The following GRID2 variants were observed in gnomAD, a reference collection of about 807,000 sequenced individuals.
GRID2 encodes the protein glutamate ionotropic receptor delta type subunit 2.
A neutral mutation model predicts 114.8 loss-of-function variants in GRID2; 33 were observed. The observed-to-expected ratio is 0.29, with a 90% CI of 0.22 to 0.38. The LOEUF (loss-of-function observed/expected upper bound fraction) is 0.38. Ranked by LOEUF, GRID2 falls within the 10% of genes least tolerant of loss-of-function variation. GRID2 has a pLI of 1.00. For missense variants in GRID2, 1,184 were observed against 1,257.7 expected, an observed-to-expected ratio of 0.94 and a Z score of 0.89; for synonymous variants, 505 against 449.9, an observed-to-expected ratio of 1.12 and a Z score of -1.55.
intron 2 of GRID2, among the ~76,000 whole-genome samples, chr4:92,928,793 T>G (rs890057485): frequency 6.6e-6 from 1 of 151,602 alleles, no homozygotes; most frequent in Non-Finnish European, 1.5e-5. Context: ...TGGCAAAATT[T>G]CTAGTGATTT....
At chr4:92,794,351 C>T (rs147026416) in intron 2 of GRID2, among the ~76,000 whole-genome samples, 2 of 151,950 alleles carry the variant, frequency 1.3e-5, no homozygotes, top group Non-Finnish European at 2.9e-5. Flanking sequence ...AACACCCTAT[C>T]ACCCTGCCAT....
chr4:93,222,377 C>A (rs1404763131), intron 6 of GRID2, among the ~76,000 whole-genome samples: 2 of 151,490 alleles, frequency 1.3e-5, no homozygotes, highest in Non-Finnish European at 2.9e-5. Context: ...AAGCTTTGAA[C>A]CAAATATTGA....
intron 8 of GRID2, among the ~76,000 whole-genome samples, chr4:93,316,291 CGAAA>C (rs201308452): frequency 0.016 from 1,214 of 77,086 alleles, 12 homozygotes; most frequent in African/African-American, 0.026. Context: ...AACGAAAGAA[CGAAA>C]GAAAGAAAGA....
intron 1 of GRID2, among the ~76,000 whole-genome samples, chr4:92,321,871 T>G (rs1319635999): frequency 6.6e-6 from 1 of 152,156 alleles, no homozygotes; most frequent in Non-Finnish European, 1.5e-5. Flanking sequence ...TTTTTCTACT[T>G]CCTGGCTGTG....
At chr4:93,097,378 A>T (rs536521119) in intron 3 of GRID2, among the ~76,000 whole-genome samples, 1 of 152,104 alleles carries the variant, frequency 6.6e-6, no homozygotes, top group African/African-American at 2.4e-5. Context: ...CAGAAATATC[A>T]TAATTTTAAA....
intron 2 of GRID2, among the ~76,000 whole-genome samples, chr4:92,650,483 G>C (rs767285387): frequency 6.6e-6 from 1 of 151,994 alleles, no homozygotes; most frequent in Non-Finnish European, 1.5e-5. Context: ...ATATTCATTC[G>C]TATCTACATT....
chr4:93,373,526 C>T (rs548477593), intron 8 of GRID2, among the ~76,000 whole-genome samples: 1 of 152,244 alleles, frequency 6.6e-6, no homozygotes, highest in East Asian at 1.9e-4. Flanking sequence ...AGACAAGAAT[C>T]ATATTTTATA....
At chr4:92,934,842 A>C (rs1222493583) in intron 2 of GRID2, among the ~76,000 whole-genome samples, 2 of 147,254 alleles carry the variant, frequency 1.4e-5, no homozygotes, top group African/African-American at 2.4e-5. Flanking sequence ...CATATGTAGA[A>C]AGCTGAAACT....
chr4:93,400,886 G>A (rs1197771011), intron 9 of GRID2, among the ~76,000 whole-genome samples: 1 of 152,042 alleles, frequency 6.6e-6, no homozygotes, highest in Non-Finnish European at 1.5e-5. Flanking sequence ...ACCCAGGCTG[G>A]AGTACAGTGG....
intron 1 of GRID2, among the ~76,000 whole-genome samples, chr4:92,433,687 C>T (rs1732588619): frequency 6.6e-6 from 1 of 152,214 alleles, no homozygotes; most frequent in South Asian, 2.1e-4. Context: ...CAACCAGGTA[C>T]TGTGATTGAT....
At chr4:93,679,519 T>C (rs1725286982) in intron 14 of GRID2, among the ~76,000 whole-genome samples, 1 of 150,678 alleles carries the variant, frequency 6.6e-6, no homozygotes, top group South Asian at 2.1e-4. Context: ...ACTGACCACA[T>C]ACTTGGAAGT....
At position 93,515,294 on chromosome 4, in the gene GRID2, C is replaced by A. The variant is rs771498752; in HGVS notation, c.2076C>A (p.Arg692=). 3.1e-6 allele frequency: 5 copies of A among 1,609,970 alleles called. No homozygotes were observed. The East Asian group carries it at 8.9e-5, about 29-fold the overall frequency. The change falls in exon 13 of 16, where the codon CGC becomes CGA. Residue 692 remains arginine, a synonymous_variant. Transcript: ENST00000282020. ...VLDSAVYEHV[R]MKGLNPFERD... is the part of the protein sequence containing the mutation. ...ACTCTGCGGTATATGAGCATGTCCG[C>A]ATGAAAGGACTGAATCCTTTTGAGA... is the stretch of plus-strand genomic sequence containing the variant.
chr4:93,050,753 T>C (rs926926845), intron 2 of GRID2, among the ~76,000 whole-genome samples: 1 of 152,032 alleles, frequency 6.6e-6, no homozygotes, highest in African/African-American at 2.4e-5. Flanking sequence ...GCTACAGGTA[T>C]GACAAAAGTA....
intron 13 of GRID2, among the ~76,000 whole-genome samples, chr4:93,524,813 ATGTATG>A (rs1183731114): frequency 9.7e-5 from 6 of 61,920 alleles, no homozygotes; most frequent in Admixed American, 1.7e-4. Context: ...ATATATATAT[ATGTATG>A]TATGTATATA....
intron 2 of GRID2, among the ~76,000 whole-genome samples, chr4:93,077,547 A>T (rs2149313277): frequency 6.6e-6 from 1 of 152,312 alleles, no homozygotes; most frequent in East Asian, 1.9e-4. Flanking sequence ...TAAAATGATT[A>T]AAAAGTTTTA....
rs187936172 is a variant in GRID2 at position 92,939,232 on chromosome 4, T to C, written c.245-145763T>C. Among the ~76,000 whole-genome samples, 103 of 147,396 alleles carry C rather than the reference T, an allele frequency of 7.0e-4. 7 individuals are homozygous for C. The highest frequency in any genetic ancestry group is 2.2e-3 in the African/African-American group (93 of 41,354). On this transcript the variant is annotated intron_variant, in intron 2 of 15. Transcript: ENST00000282020. ...CACATCCTCTCCAGCACCTGTTGTT[T>C]CCTGACATTTTAATGATTGCCATTC... is the stretch of plus-strand genomic sequence containing the variant.
chr4:93,549,497 G>A (rs1262334271), intron 13 of GRID2, among the ~76,000 whole-genome samples: 2 of 152,110 alleles, frequency 1.3e-5, no homozygotes, highest in East Asian at 1.9e-4. Flanking sequence ...CAAATTCATC[G>A]TGTTTCATAT....
At chr4:92,611,704 A>G (rs1729751803) in intron 2 of GRID2, among the ~76,000 whole-genome samples, 1 of 151,640 alleles carries the variant, frequency 6.6e-6, no homozygotes, top group African/African-American at 2.4e-5. Flanking sequence ...TTTGTAAAAT[A>G]CGTGAAGTGG....
intron 8 of GRID2, among the ~76,000 whole-genome samples, chr4:93,349,183 C>G (rs941012339): frequency 1.4e-4 from 21 of 152,080 alleles, no homozygotes; most frequent in African/African-American, 5.1e-4. Flanking sequence ...ATTATATGTT[C>G]ACATGTACAT....
Sources: allele counts gnomAD v4.1 joint callset (sites outside exome capture counted in the v4.1 genomes callset), GRCh38; gene constraint gnomAD v4.1.1; transcripts MANE v1.5; gene names NCBI Gene and HGNC (gene_info 2026-07-23, HGNC 2026-07-21).